The following TXNDC9 variants were observed in gnomAD, a reference collection of about 807,000 sequenced individuals.
The protein encoded by TXNDC9 is thioredoxin domain containing 9.
In TXNDC9, 7 loss-of-function variants were observed where a neutral mutation model predicts 23.0. That is an observed-to-expected ratio of 0.30 (90% CI 0.17 to 0.57). The LOEUF is 0.57. Among genes scored for constraint, TXNDC9 ranks in the 20% least tolerant of loss-of-function variants. The pLI is 0.90. For missense variants in TXNDC9, 198 were observed against 252.6 expected (o/e 0.78, Z 1.47); for synonymous variants, 72 against 90.6 (o/e 0.79, Z 1.17).
chr2:99,308,624 A>G, the TXNDC9 span, among the ~76,000 whole-genome samples: 4 of 152,044 alleles, frequency 2.6e-5, no homozygotes, highest in Non-Finnish European at 4.4e-5. Flanking sequence ...GGGAGGGAGA[A>G]GATTAGAATA....
Position 99,322,155 on chromosome 2 carries a change from G to A in TXNDC9, c.363C>T (p.Thr121=). Residue 121 remains threonine (T), a synonymous_variant, in exon 4 of 5, where the codon ACC becomes ACT. Transcript: ENST00000264255. ...TTTCCACATTCAGCTTCAAAAATTT[G>A]GTCTCGAGGTGTTTCTTGGACAATA... is the stretch of plus-strand genomic sequence containing the variant. The part of the protein sequence containing the change: ...LAILSKKHLE[T]KFLKLNVEKA... 11 of 1,614,078 alleles carry A rather than the reference G, an allele frequency of 6.8e-6. No homozygotes were observed. Among genetic ancestry groups the A allele is most frequent in the Non-Finnish European group, 9.3e-6 (11 of 1,180,002 alleles).
chr2:99,309,740 GCAGTGGTAGAATCTCA>G, the TXNDC9 span, among the ~76,000 whole-genome samples: 1 of 152,078 alleles, frequency 6.6e-6, no homozygotes. Flanking sequence ...AGGCTGAAGT[GCAGTGGTAGAATCTCA>G]GCTCACTGCA....
the TXNDC9 span, chr2:99,306,802 G>A: frequency 1.1e-4 from 50 of 448,488 alleles, no homozygotes; most frequent in African/African-American, 8.8e-4. Flanking sequence ...AGTAAAGAAA[G>A]TTTTTTTGGA....
At chr2:99,310,549 A>C in the TXNDC9 span, among the ~76,000 whole-genome samples, 1 of 152,304 alleles carries the variant, frequency 6.6e-6, no homozygotes, top group East Asian at 1.9e-4. Context: ...GAACCTATGT[A>C]CATGTTAAGT....
the TXNDC9 span, among the ~76,000 whole-genome samples, chr2:99,313,403 A>C: frequency 3.9e-5 from 6 of 152,146 alleles, no homozygotes; most frequent in Admixed American, 2.6e-4. Flanking sequence ...AGACATTTAG[A>C]ATATGGTGAT....
the TXNDC9 span, chr2:99,307,319 G>C: frequency 6.6e-6 from 1 of 151,992 alleles, no homozygotes. Context: ...CCCTATATAA[G>C]TTCAAAGTAT....
chr2:99,324,794 G>A (rs2094209701), intron 3 of TXNDC9, among the ~76,000 whole-genome samples: 1 of 151,456 alleles, frequency 6.6e-6, no homozygotes, highest in Non-Finnish European at 1.5e-5. Context: ...TTGCCAGGCT[G>A]GAGTGCAGTG....
intron 2 of TXNDC9, among the ~76,000 whole-genome samples, chr2:99,327,998 T>C (rs915429222): frequency 1.3e-5 from 2 of 152,076 alleles, no homozygotes; most frequent in Non-Finnish European, 2.9e-5. Flanking sequence ...TTGGCCAGGA[T>C]GGTCTCGATC....
In TXNDC9 at chr2:99,336,251, T is replaced by C. The variant is rs2105328964; in HGVS notation, c.-45A>G. On this transcript the variant is annotated 5_prime_UTR_variant, in exon 1 of 5. Coordinates refer to ENST00000264255, the MANE Select transcript of TXNDC9 (RefSeq NM_005783.4). ...CCCTCTGCCTCACCTGAGCTCTCGG[T>C]GACGCCTGAGAAGTGAAAGAGCAGC... 1.0e-6 allele frequency: 1 copy of C among 984,722 alleles called. No homozygotes were observed. Among genetic ancestry groups the C allele is most frequent in the South Asian group, 4.7e-5 (1 of 21,210 alleles). The allele number at this position is 984,722 out of a possible 1,614,324, so 61.0% of individuals were successfully genotyped here. A position where few individuals can be genotyped will look rare whatever the true frequency, so the allele number is the denominator to read the frequency against.
intron 4 of TXNDC9, chr2:99,321,331 G>A (rs571383008): frequency 6.6e-6 from 1 of 152,236 alleles, no homozygotes; most frequent in South Asian, 2.1e-4. Flanking sequence ...AAGATGATAT[G>A]CTCTGATTTG....
At chr2:99,310,747 C>T in the TXNDC9 span, among the ~76,000 whole-genome samples, 32 of 152,016 alleles carry the variant, frequency 2.1e-4, no homozygotes, top group African/African-American at 5.6e-4. Context: ...AGGGGCCAGG[C>T]GCTAGGGACT....
At chr2:99,325,105 C>T (rs769545130) in intron 3 of TXNDC9, among the ~76,000 whole-genome samples, 5 of 152,126 alleles carry the variant, frequency 3.3e-5, no homozygotes, top group Non-Finnish European at 5.9e-5. Flanking sequence ...TAGGCCTTTA[C>T]GTATGTTTAA....
At chr2:99,317,559 G>A (rs892233113), downstream of TXNDC9, among the ~76,000 whole-genome samples, 5 of 152,030 alleles carry the variant, frequency 3.3e-5, no homozygotes, top group South Asian at 2.1e-4. Context: ...CTGATCTTTC[G>A]GGAAAGGTTC....
chr2:99,321,641 T>TTGCC (rs2105319722), intron 4 of TXNDC9: 1 of 207,700 alleles, frequency 4.8e-6, no homozygotes, highest in Admixed American at 5.6e-5. Flanking sequence ...CAACACTGGA[T>TTGCC]TGCCATTTTA....
chr2:99,336,264 G>C lies in TXNDC9; in HGVS notation c.-58C>G. ...CTGAGCTCTCGGTGACGCCTGAGAA[G>C]TGAAAGAGCAGCAGTTTCAAAAGAC... On this transcript the variant is annotated 5_prime_UTR_variant, in exon 1 of 5. Coordinates refer to ENST00000264255, the MANE Select transcript of TXNDC9 (RefSeq NM_005783.4). 1 of 980,562 alleles carries C rather than the reference G, an allele frequency of 1.0e-6. No individual in the cohort carries two copies. The highest frequency in any genetic ancestry group is 1.8e-5 in the African/African-American group (1 of 55,692). 60.7% of individuals were successfully genotyped at this position (980,562 alleles called of 1,614,324 possible).
rs1008370171 is a variant in TXNDC9, at chr2:99,319,636, A to C, written c.*46T>G. On this transcript the variant is annotated 3_prime_UTR_variant, in exon 5 of 5. Transcript: ENST00000264255. ...AATAGAATTTTAAAAACACATTTAAATCTGAAGCAGAAAAAAAAAGACAAT... is the reference window on the plus strand; with the variant it reads ...AATAGAATTTTAAAAACACATTTAACTCTGAAGCAGAAAAAAAAAGACAAT... 4 of 1,388,624 alleles carry C rather than the reference A, an allele frequency of 2.9e-6. No individual in the cohort carries two copies. Among genetic ancestry groups the C allele is most frequent in the East Asian group, 2.3e-5 (1 of 43,612 alleles). 86.0% of individuals were successfully genotyped at this position (1,388,624 alleles called of 1,614,324 possible). A position where few individuals can be genotyped will look rare whatever the true frequency, so the allele number is the denominator to read the frequency against.
the TXNDC9 span, among the ~76,000 whole-genome samples, chr2:99,313,629 T>C: frequency 1.6e-4 from 25 of 152,198 alleles, no homozygotes; most frequent in African/African-American, 6.0e-4. Context: ...GAGTAAGACC[T>C]GTCTCTTAAA....
At chr2:99,330,070 A>G (rs940833973) in intron 2 of TXNDC9, among the ~76,000 whole-genome samples, 2 of 151,878 alleles carry the variant, frequency 1.3e-5, no homozygotes, top group African/African-American at 4.8e-5. Context: ...TGGGCGGATC[A>G]CCTGAGGTCA....
chr2:99,309,870 G>A, the TXNDC9 span, among the ~76,000 whole-genome samples: 1 of 151,852 alleles, frequency 6.6e-6, no homozygotes, highest in Non-Finnish European at 1.5e-5. Context: ...ATTTTTAGTA[G>A]AGATGGGGTT....
Sources: gnomAD v4.1 joint callset for allele counts (sites outside exome capture counted in the v4.1 genomes callset) on GRCh38, gnomAD v4.1.1 for gene constraint, MANE v1.5 for transcripts, NCBI Gene and HGNC (gene_info 2026-07-23, HGNC 2026-07-21) for gene names.